The following RPTOR variants were observed in gnomAD, a reference collection of about 807,000 sequenced individuals.
The protein encoded by RPTOR is regulatory-associated protein of mTOR.
In RPTOR, 21 loss-of-function variants were observed where a neutral mutation model predicts 169.9. The ratio of observed to expected loss-of-function variants is 0.12; its 90% CI spans 0.09 to 0.18. The LOEUF (loss-of-function observed/expected upper bound fraction) is 0.18. RPTOR is among the 10% of genes least tolerant of loss of function. The pLI is 1.00. For synonymous variants in RPTOR, 732 were observed against 753.2 expected (o/e 0.97, Z 0.46); for missense variants, 1,133 against 1,855.9 (o/e 0.61, Z 7.16).
chr17:80,639,864 A>T (rs1419513106), intron 2 of RPTOR, among the ~76,000 whole-genome samples: 2 of 152,160 alleles, frequency 1.3e-5, no homozygotes, highest in Non-Finnish European at 2.9e-5. Flanking sequence ...TAGGAAGAAG[A>T]TGGAGAGGTT....
chr17:80,794,803 TC>T (rs2067084645), intron 7 of RPTOR, among the ~76,000 whole-genome samples: 1 of 152,200 alleles, frequency 6.6e-6, no homozygotes, highest in Non-Finnish European at 1.5e-5. Context: ...CAGAAGCCCA[TC>T]TCCAAGGGTG....
chr17:80,919,020 G>C (rs537224682), intron 21 of RPTOR, among the ~76,000 whole-genome samples: 16 of 152,320 alleles, frequency 1.1e-4, no homozygotes, highest in African/African-American at 3.6e-4. Context: ...GAGCTGGTGG[G>C]CTGAGACACC....
At chr17:80,624,939 G>C (rs2065381544) in intron 1 of RPTOR, among the ~76,000 whole-genome samples, 1 of 152,178 alleles carries the variant, frequency 6.6e-6, no homozygotes, top group Non-Finnish European at 1.5e-5. Context: ...TCCCCAGCTG[G>C]CTCCACCCCG....
In RPTOR at chr17:80,949,505, A is replaced by G. The variant is rs1242021251; in HGVS notation, c.3328A>G (p.Thr1110Ala). Reference sequence around the variant, plus strand: ...TTTGGAAAAGAACCCAGAGATGGTGACCGCGTGGCAGGGGCTCTCGGACAT... The same window carrying G: ...TTTGGAAAAGAACCCAGAGATGGTGGCCGCGTGGCAGGGGCTCTCGGACAT... ...ADLEKNPEMV[T>A]AWQGLSDMLP... Residue 1110 changes from threonine to alanine, a missense_variant, in exon 28 of 34, where the codon ACC (threonine) becomes GCC (alanine). This residue lies in a region of RPTOR where 410 missense variants were observed against 623.7 expected (regional missense o/e 0.66). Coordinates refer to ENST00000306801, the MANE Select transcript of RPTOR (RefSeq NM_020761.3). 6.2e-7 allele frequency: 1 copy of G among 1,614,098 alleles called. No individual in the cohort carries two copies. The highest frequency in any genetic ancestry group is 1.1e-5 in the South Asian group (1 of 91,074).
At position 80,864,048 on chromosome 17, in the gene RPTOR, G is replaced by A. The variant is rs116298437; in HGVS notation, c.1509+6148G>A. ...GCAAGTGACATAACGTACTATTTGG[G>A]GGTCCATAAAGGAGGCTAGCAGAAA... On this transcript the variant is annotated intron_variant, in intron 13 of 33. Transcript: ENST00000306801. 7.1e-3 allele frequency among the ~76,000 whole-genome samples: 1,074 copies of A among 152,322 alleles called. 19 individuals carry two copies. The highest frequency in any genetic ancestry group is 0.025 in the African/African-American group (1,024 of 41,572).
At chr17:80,832,752 A>G (rs1035987871) in intron 9 of RPTOR, among the ~76,000 whole-genome samples, 6 of 152,164 alleles carry the variant, frequency 3.9e-5, no homozygotes, top group African/African-American at 1.4e-4. Context: ...TCCTCCCCTC[A>G]TCAATAGACC....
At chr17:80,840,266 G>C (rs146336924) in intron 10 of RPTOR, among the ~76,000 whole-genome samples, 1 of 152,054 alleles carries the variant, frequency 6.6e-6, no homozygotes, top group Non-Finnish European at 1.5e-5. Flanking sequence ...ACTCAGCATT[G>C]TTTGAGTAAG....
At position 80,823,370 on chromosome 17, in the gene RPTOR, GCT is replaced by G; in HGVS notation, c.1136+149_1136+150del. The G allele has an allele frequency of 4.0e-6, 4 of 1,007,518 alleles. No individual in the cohort carries two copies. Among genetic ancestry groups the G allele is most frequent in the South Asian group, 1.7e-5 (1 of 60,108 alleles). 62.4% of individuals were successfully genotyped at this position (1,007,518 alleles called of 1,614,324 possible). ...ATTAACAAGTGAAGCTAAATGCAGG[GCT>G]CCCAGAGATCTCCACACAGAGGAGT... On this transcript the variant is annotated intron_variant, in intron 9 of 33. Transcript: ENST00000306801. The surrounding 1 kb of genome is among the most constrained non-coding windows in gnomAD (Gnocchi z 4.5).
At chr17:80,607,474 G>A (rs2065237322) in intron 1 of RPTOR, among the ~76,000 whole-genome samples, 1 of 151,934 alleles carries the variant, frequency 6.6e-6, no homozygotes, top group Non-Finnish European at 1.5e-5. Context: ...AACCTGTCCT[G>A]CTTTCTAATC....
intron 2 of RPTOR, among the ~76,000 whole-genome samples, chr17:80,634,144 CGTGTGCGTACT>C (rs2065464048): frequency 9.1e-6 from 1 of 110,076 alleles, no homozygotes; most frequent in African/African-American, 5.0e-5. Context: ...ATACTGTGTG[CGTGTGCGTACT>C]GTGTGTGTGT....
intron 7 of RPTOR, among the ~76,000 whole-genome samples, chr17:80,811,478 A>C (rs1245867028): frequency 6.6e-6 from 1 of 152,168 alleles, no homozygotes; most frequent in Admixed American, 6.5e-5. Flanking sequence ...TTTTACTTGC[A>C]TTTCATTGAA....
chr17:80,584,033 T>G (rs1288199457), intron 1 of RPTOR, among the ~76,000 whole-genome samples: 1 of 152,132 alleles, frequency 6.6e-6, no homozygotes, highest in African/African-American at 2.4e-5. Context: ...GACCTGGCTG[T>G]GGGGCCTGCT....
chr17:80,848,674 G>A (rs1401950936), intron 11 of RPTOR, among the ~76,000 whole-genome samples: 1 of 152,262 alleles, frequency 6.6e-6, no homozygotes, highest in Non-Finnish European at 1.5e-5. Context: ...TCCCTCAGGA[G>A]ACACTGGCTC....
chr17:80,841,167 TC>T (rs2067644671), intron 10 of RPTOR, among the ~76,000 whole-genome samples: 2 of 25,482 alleles, frequency 7.8e-5, no homozygotes, highest in Non-Finnish European at 1.3e-4. Flanking sequence ...GGCAGCTCAC[TC>T]TCACCGCACG....
At chr17:80,702,359 A>T (rs1598238137) in intron 3 of RPTOR, among the ~76,000 whole-genome samples, 2 of 152,230 alleles carry the variant, frequency 1.3e-5, no homozygotes, top group South Asian at 4.2e-4. Flanking sequence ...TTCAGGAAAA[A>T]TGCCTAGCAC....
chr17:80,768,324 T>C (rs1029522764), intron 6 of RPTOR, among the ~76,000 whole-genome samples: 1 of 152,184 alleles, frequency 6.6e-6, no homozygotes, highest in Admixed American at 6.5e-5. Context: ...AGTAGGCCGC[T>C]TAGTGAGTCC....
chr17:80,733,234 C>T (rs1270945211), intron 5 of RPTOR, among the ~76,000 whole-genome samples: 1 of 152,104 alleles, frequency 6.6e-6, no homozygotes, highest in East Asian at 1.9e-4. Flanking sequence ...ACCATCAGAG[C>T]CGGAAAATGA....
At chr17:80,713,538 G>C (rs1442731303) in intron 4 of RPTOR, among the ~76,000 whole-genome samples, 1 of 152,140 alleles carries the variant, frequency 6.6e-6, no homozygotes, top group South Asian at 2.1e-4. Context: ...TTAAAAAAAA[G>C]CATGATCAAA....
intron 20 of RPTOR, among the ~76,000 whole-genome samples, chr17:80,899,121 A>G (rs2068443959): frequency 6.6e-6 from 1 of 152,222 alleles, no homozygotes; most frequent in Non-Finnish European, 1.5e-5. Context: ...TCATTGAGAA[A>G]TAACGTTGCA....
Sources: allele counts gnomAD v4.1 joint callset (sites outside exome capture counted in the v4.1 genomes callset), GRCh38; gene constraint gnomAD v4.1.1; regional missense constraint gnomAD v4.1.1; non-coding constraint Gnocchi (gnomAD v3.1); transcripts MANE v1.5; gene names NCBI Gene and HGNC (gene_info 2026-07-23, HGNC 2026-07-21).